MACROD2: variants seen among roughly 807,000 people sequenced by gnomAD.
The protein encoded by MACROD2 is mono-ADP ribosylhydrolase 2.
Under a neutral mutation model 70.4 loss-of-function variants are expected in MACROD2, and 36 were observed. The observed-to-expected ratio is 0.51, with a 90% CI of 0.39 to 0.68. The LOEUF is 0.68. Ranked by LOEUF, MACROD2 falls within the 30% of genes least tolerant of loss-of-function variation. The pLI, the probability that MACROD2 is intolerant of heterozygous loss-of-function variation, is 0.00. For synonymous variants in MACROD2, 172 were observed against 178.8 expected (o/e 0.96, Z 0.30); for missense variants, 496 against 538.4 (o/e 0.92, Z 0.78).
intron 8 of MACROD2, among the ~76,000 whole-genome samples, chr20:15,809,032 C>T (rs968958608): frequency 2.0e-5 from 3 of 152,084 alleles, no homozygotes; most frequent in South Asian, 2.1e-4. Flanking sequence ...ATCACTAAGC[C>T]GACAAGAACT....
rs371759891 is a variant in MACROD2 at position 15,986,773 on chromosome 20, A to C, written c.1032A>C (p.Glu344Asp). 6.2e-7 allele frequency: 1 copy of C among 1,613,316 alleles called. No homozygotes were observed. Among genetic ancestry groups the C allele is most frequent in the Non-Finnish European group, 8.5e-7 (1 of 1,179,464 alleles). Reference protein sequence around the residue: ...STKNEIKIETESQSSYMETEE... With the variant: ...STKNEIKIETDSQSSYMETEE... The stretch of plus-strand genomic sequence containing the variant: ...AGAATGAAATAAAAATTGAAACAGA[A>C]TCGCAGAGCTCATATATGGAAACAG... Residue 344 changes from glutamate to aspartate, a missense_variant, in exon 14 of 18, where the codon GAA becomes GAC. Transcript: ENST00000684519.
At chr20:14,470,498 G>A (rs1383642641) in intron 3 of MACROD2, among the ~76,000 whole-genome samples, 3 of 152,148 alleles carry the variant, frequency 2.0e-5, no homozygotes, top group East Asian at 3.9e-4. Flanking sequence ...AGGCAGTAAC[G>A]TTTGTCTGCT....
chr20:14,055,986 T>C (rs762703655), intron 2 of MACROD2, among the ~76,000 whole-genome samples: 1 of 152,134 alleles, frequency 6.6e-6, no homozygotes, highest in Non-Finnish European at 1.5e-5. Flanking sequence ...CAGACTGTGT[T>C]ACCGACATTT....
intron 6 of MACROD2, among the ~76,000 whole-genome samples, chr20:15,248,893 G>T (rs1391253180): frequency 1.3e-5 from 2 of 152,170 alleles, no homozygotes; most frequent in Non-Finnish European, 2.9e-5. Context: ...CAAACCCTGA[G>T]AATGAGACAA....
intron 8 of MACROD2, among the ~76,000 whole-genome samples, chr20:15,853,580 T>C (rs965767312): frequency 6.6e-6 from 1 of 152,108 alleles, no homozygotes; most frequent in Non-Finnish European, 1.5e-5. Flanking sequence ...GGCAGAAATA[T>C]GGCAAGGAAT....
rs1011609782 is a variant in MACROD2, at chr20:14,682,888, A to T, written c.302-1955A>T. 6.6e-5 allele frequency among the ~76,000 whole-genome samples: 10 copies of T among 151,892 alleles called. 1 individual carries two copies. The highest frequency in any genetic ancestry group is 1.9e-4 in the East Asian group (1 of 5,190). ...GAAAAAACTTTATTTTTATTTATTT[A>T]TTTTTTTTGAGACGGAGTTTCACTC... On this transcript the variant is annotated intron_variant, in intron 4 of 17. Coordinates refer to ENST00000684519, the MANE Select transcript of MACROD2 (RefSeq NM_001351661.2).
Position 15,912,643 on chromosome 20 carries a change from A to T in MACROD2, c.776-20633A>T, listed in dbSNP as rs111630824. ...GCTTCATTGACCACAAAAGTTGGTT[A>T]TCGGTGAAACATGATGAAAACATCA... On this transcript the variant is annotated intron_variant, in intron 10 of 17. Coordinates refer to ENST00000684519, the MANE Select transcript of MACROD2 (RefSeq NM_001351661.2). 5.9e-4 allele frequency among the ~76,000 whole-genome samples: 90 copies of T among 152,350 alleles called. 1 individual carries two copies. Among genetic ancestry groups the T allele is most frequent in the African/African-American group, 2.1e-3 (86 of 41,586 alleles).
chr20:14,326,263 A>T lies in MACROD2; in HGVS notation c.272-167216A>T. ...AATGGTATCAGAGGTGACAGACTTC[A>T]CAGTAATTGTAATTGTTTTTCTTGA... is the stretch of plus-strand genomic sequence containing the variant. On this transcript the variant is annotated intron_variant, in intron 3 of 17. Coordinates refer to ENST00000684519, the MANE Select transcript of MACROD2 (RefSeq NM_001351661.2). The surrounding 1 kb of genome is among the most constrained non-coding windows in gnomAD (Gnocchi z 5.5). 1 of 1,613,946 alleles carries T rather than the reference A, an allele frequency of 6.2e-7. No individual in the cohort carries two copies. Among genetic ancestry groups the T allele is most frequent in the Non-Finnish European group, 8.5e-7 (1 of 1,179,864 alleles).
chr20:15,335,991 A>T (rs984800445), intron 6 of MACROD2, among the ~76,000 whole-genome samples: 3 of 151,530 alleles, frequency 2.0e-5, no homozygotes, highest in South Asian at 4.1e-4. Context: ...TTCACTTAGG[A>T]TGTCTTCTTT....
At chr20:14,568,790 A>G (rs917622049) in intron 4 of MACROD2, among the ~76,000 whole-genome samples, 4 of 151,994 alleles carry the variant, frequency 2.6e-5, no homozygotes, top group Admixed American at 1.3e-4. Context: ...GAAGTAACAT[A>G]CATTTTTCTA....
At chr20:14,324,406 T>C (rs2082702530) in intron 3 of MACROD2, 1 of 152,560 alleles carries the variant, frequency 6.6e-6, no homozygotes, top group Non-Finnish European at 1.5e-5. Context: ...ATATAATATC[T>C]GGAAAATTGT....
intron 8 of MACROD2, among the ~76,000 whole-genome samples, chr20:15,681,750 C>T (rs371780769): frequency 3.3e-5 from 5 of 152,092 alleles, no homozygotes; most frequent in South Asian, 2.1e-4. Context: ...AGAGTTTCAT[C>T]GTGACGACTT....
chr20:14,347,168 A>G (rs1209298160), intron 3 of MACROD2, among the ~76,000 whole-genome samples: 2 of 152,198 alleles, frequency 1.3e-5, no homozygotes, highest in African/African-American at 4.8e-5. Flanking sequence ...GTGCTAAGAT[A>G]GCAACAGCAT....
At chr20:14,742,977 G>A (rs549793411) in intron 5 of MACROD2, among the ~76,000 whole-genome samples, 1 of 151,606 alleles carries the variant, frequency 6.6e-6, no homozygotes, top group Admixed American at 6.6e-5. Context: ...CGTTTTAGCC[G>A]GGATGGTCTC....
chr20:14,913,103 G>C (rs1254117670), intron 5 of MACROD2, among the ~76,000 whole-genome samples: 5 of 152,238 alleles, frequency 3.3e-5, no homozygotes, highest in African/African-American at 9.6e-5. Context: ...GGCTGTGTGA[G>C]TGTGTTAGTG....
At chr20:14,797,851 A>C (rs117576253) in intron 5 of MACROD2, among the ~76,000 whole-genome samples, 5,090 of 152,114 alleles carry the variant, frequency 0.033, 125 homozygotes, top group Non-Finnish European at 0.048. Context: ...AGTGTTCACT[A>C]AGCATTTATT....
At chr20:15,025,197 G>C (rs2075220648) in intron 5 of MACROD2, among the ~76,000 whole-genome samples, 2 of 151,788 alleles carry the variant, frequency 1.3e-5, no homozygotes, top group African/African-American at 4.8e-5. Flanking sequence ...GAAAATTTGA[G>C]AATTATATTT....
rs1317738115 is a variant in MACROD2 at position 15,340,127 on chromosome 20, TTTC to T, written c.541-91275_541-91273del. 2.9e-3 allele frequency among the ~76,000 whole-genome samples: 229 copies of T among 79,258 alleles called. 3 individuals carry two copies. The highest frequency in any genetic ancestry group is 8.2e-3 in the African/African-American group (125 of 15,318). 52.0% of individuals were successfully genotyped at this position (79,258 alleles called of 152,430 possible). ...TTTTTCTTTTTTCTTTCTTTCTTTC[TTTC>T]TTTTTTTTTTTTTTTTTTTTTTTTT... On this transcript the variant is annotated intron_variant, in intron 6 of 17. Transcript: ENST00000684519.
rs74483222 is a variant in MACROD2, at chr20:15,389,648, A to C, written c.541-41757A>C. ...CTGTAAAATAGCCTCGTTTCAGTTTAGATTTTGCTTTGCTGCCAATGAATT... is the reference window on the plus strand; with the variant it reads ...CTGTAAAATAGCCTCGTTTCAGTTTCGATTTTGCTTTGCTGCCAATGAATT... On this transcript the variant is annotated intron_variant, in intron 6 of 17. Transcript: ENST00000684519. Among the ~76,000 whole-genome samples the C allele has an allele frequency of 4.7e-3, 714 of 152,358 alleles. 4 individuals carry two copies. The highest frequency in any genetic ancestry group is 0.016 in the African/African-American group (674 of 41,590).
Sources: gnomAD v4.1 joint callset for allele counts (sites outside exome capture counted in the v4.1 genomes callset) on GRCh38, gnomAD v4.1.1 for gene constraint, Gnocchi (gnomAD v3.1) non-coding constraint, MANE v1.5 for transcripts, NCBI Gene and HGNC (gene_info 2026-07-23, HGNC 2026-07-21) for gene names.